The following XPO4 variants were observed in gnomAD, a reference collection of about 807,000 sequenced individuals.
The protein encoded by XPO4 is exportin 4.
Under a neutral mutation model 143.0 loss-of-function variants are expected in XPO4, and 39 were observed. The ratio of observed to expected loss-of-function variants is 0.27; its 90% CI spans 0.21 to 0.36. XPO4 has a LOEUF of 0.36. Ranked by LOEUF, XPO4 falls within the 10% of genes least tolerant of loss-of-function variation. The pLI, the probability that XPO4 is intolerant of heterozygous loss-of-function variation, is 1.00. For synonymous variants in XPO4, 439 were observed against 474.0 expected (o/e 0.93, Z 0.96); for missense variants, 907 against 1,348.0 (o/e 0.67, Z 5.12).
At chr13:20,843,339 G>C (rs2059995638) in intron 5 of XPO4, among the ~76,000 whole-genome samples, 1 of 152,158 alleles carries the variant, frequency 6.6e-6, no homozygotes, top group Non-Finnish European at 1.5e-5. Flanking sequence ...CAGAGCCCTA[G>C]GATTTAAGCC....
At chr13:20,884,445 T>C (rs1001735045) in intron 1 of XPO4, among the ~76,000 whole-genome samples, 5 of 152,006 alleles carry the variant, frequency 3.3e-5, no homozygotes, top group East Asian at 1.9e-4. Flanking sequence ...CAATCCAATC[T>C]ATCACCCAGG....
chr13:20,855,953 C>T (rs984388917), intron 3 of XPO4, among the ~76,000 whole-genome samples, 188 bp from the exon 4 acceptor site: 2 of 152,186 alleles, frequency 1.3e-5, no homozygotes, highest in Non-Finnish European at 1.5e-5. Context: ...TGTGGACGGG[C>T]TGTATGACCC....
chr13:20,843,923 ACT>A, intron 4 of XPO4, 37 bp from the exon 5 acceptor site: 1 of 1,465,320 alleles, frequency 6.8e-7, no homozygotes, highest in Non-Finnish European at 9.5e-7. Context: ...GTGAGGCATT[ACT>A]GTTTCAACGC....
chr13:20,836,357 T>A (rs918432630), intron 6 of XPO4, among the ~76,000 whole-genome samples: 1 of 152,216 alleles, frequency 6.6e-6, no homozygotes, highest in Non-Finnish European at 1.5e-5. Flanking sequence ...ACTACCTGAT[T>A]CCTTGAAACA....
intron 19 of XPO4, among the ~76,000 whole-genome samples, chr13:20,789,239 T>G (rs1358422152): frequency 2.0e-5 from 3 of 152,204 alleles, no homozygotes. Flanking sequence ...GCTGGCTGGC[T>G]GCTGTGTGAA....
intron 1 of XPO4, among the ~76,000 whole-genome samples, chr13:20,891,555 A>AC (rs2060516495): frequency 1.3e-5 from 2 of 151,916 alleles, no homozygotes; most frequent in Non-Finnish European, 2.9e-5. Flanking sequence ...TTATTTCTCT[A>AC]TTTTTTTAAA....
At chr13:20,850,246 G>A (rs1340575788) in intron 4 of XPO4, 58 of 984,658 alleles carry the variant, frequency 5.9e-5, no homozygotes, top group Non-Finnish European at 7.0e-5. Flanking sequence ...AGAAAGCAGT[G>A]AGAGACTACT....
chr13:20,846,267 C>T (rs1392277358), intron 4 of XPO4, among the ~76,000 whole-genome samples: 1 of 152,186 alleles, frequency 6.6e-6, no homozygotes, highest in African/African-American at 2.4e-5. Flanking sequence ...GCCATACGTA[C>T]TCACAAAAGC....
In XPO4 at chr13:20,815,320, C is replaced by T. The variant is rs116931675; in HGVS notation, c.1174-5353G>A. Among the ~76,000 whole-genome samples, 1,176 of 152,132 alleles carry T rather than the reference C, an allele frequency of 7.7e-3. 3 individuals are homozygous for T. Among genetic ancestry groups the T allele is most frequent in the Non-Finnish European group, 0.012 (789 of 68,010 alleles). On this transcript the variant is annotated intron_variant, in intron 9 of 22. Transcript: ENST00000255305. ...TATGTACACTATGGACTCTGGATGG[C>T]GATGATGTGTCAATGTCGTTTCATC...
intron 13 of XPO4, among the ~76,000 whole-genome samples, chr13:20,804,978 T>C (rs1326062962): frequency 6.6e-6 from 1 of 151,748 alleles, no homozygotes; most frequent in Non-Finnish European, 1.5e-5. Context: ...AGGGTCTTGC[T>C]GTGTCGCCCA....
intron 11 of XPO4, 98 bp downstream of exon 11, chr13:20,808,985 G>A: frequency 2.2e-6 from 3 of 1,334,722 alleles, no homozygotes; most frequent in Admixed American, 2.2e-5. Flanking sequence ...TGGGACACGG[G>A]GTGGGGGTGT....
intron 1 of XPO4, among the ~76,000 whole-genome samples, chr13:20,895,005 C>T (rs1211801270): frequency 6.6e-6 from 1 of 152,096 alleles, no homozygotes; most frequent in East Asian, 1.9e-4. Context: ...TGGTAAAATA[C>T]TGTCTCTACT....
chr13:20,856,423 C>G, intron 3 of XPO4: 1 of 861,042 alleles, frequency 1.2e-6, no homozygotes, highest in Non-Finnish European at 1.4e-6. Flanking sequence ...CCCATTTGAC[C>G]ACAAGGGCAC....
At chr13:20,849,833 T>C (rs1595128976) in intron 4 of XPO4, 1 of 984,780 alleles carries the variant, frequency 1.0e-6, no homozygotes, top group Non-Finnish European at 1.2e-6. Flanking sequence ...TGGCAGAATG[T>C]GGTGGCTCAC....
chr13:20,794,146 G>C (rs2059324075), intron 18 of XPO4, among the ~76,000 whole-genome samples: 1 of 152,138 alleles, frequency 6.6e-6, no homozygotes, highest in Non-Finnish European at 1.5e-5. Context: ...ACGCTGCCCA[G>C]CGCTGGGATC....
intron 1 of XPO4, among the ~76,000 whole-genome samples, chr13:20,879,589 G>A (rs761315836): frequency 2.2e-4 from 34 of 152,178 alleles, no homozygotes; most frequent in Non-Finnish European, 4.0e-4. Flanking sequence ...CTAAACACAC[G>A]AGGAAATAAG....
Position 20,821,148 on chromosome 13 carries a change from G to T in XPO4, c.1173+556C>A, listed in dbSNP as rs149387783. 9.9e-5 allele frequency among the ~76,000 whole-genome samples: 15 copies of T among 152,064 alleles called. No individual in the cohort carries two copies. The East Asian group carries it at 2.7e-3, about 27-fold the overall frequency. On this transcript the variant is annotated intron_variant, in intron 9 of 22. Transcript: ENST00000255305. ...AAAAACATCTTCAGTATTGTTATTG[G>T]TCTTAATTTCAATGTAAATTAAATT...
chr13:20,805,036 C>T (rs530567219), intron 13 of XPO4, among the ~76,000 whole-genome samples: 4 of 152,012 alleles, frequency 2.6e-5, no homozygotes, highest in Non-Finnish European at 5.9e-5. Flanking sequence ...CCTCTGCCTC[C>T]GAGGTTCAAG....
chr13:20,885,430 C>A (rs546152799), intron 1 of XPO4, among the ~76,000 whole-genome samples: 3 of 152,080 alleles, frequency 2.0e-5, no homozygotes, highest in Admixed American at 2.0e-4. Context: ...GATTATCAAA[C>A]CCTAAAAGAA....
Sources: allele counts gnomAD v4.1 joint callset (sites outside exome capture counted in the v4.1 genomes callset), GRCh38; gene constraint gnomAD v4.1.1; transcripts MANE v1.5; gene names NCBI Gene and HGNC (gene_info 2026-07-23, HGNC 2026-07-21).